Variants in DPYSL2 observed in about 807,000 individuals in gnomAD.
DPYSL2 encodes dihydropyrimidinase like 2.
Under a neutral mutation model 69.9 loss-of-function variants are expected in DPYSL2, and 13 were observed. That is an observed-to-expected ratio of 0.19 (90% CI 0.12 to 0.30). The LOEUF (loss-of-function observed/expected upper bound fraction) is 0.30. Ranked by LOEUF, DPYSL2 falls within the 10% of genes least tolerant of loss-of-function variation. The pLI, the probability that DPYSL2 is intolerant of heterozygous loss-of-function variation, is 1.00. For synonymous variants in DPYSL2, 326 were observed against 359.1 expected (o/e 0.91, Z 1.04); for missense variants, 587 against 918.9 (o/e 0.64, Z 4.67).
chr8:26,624,214 A>G lies in DPYSL2; in HGVS notation c.700A>G (p.Ser234Gly). 6.2e-7 allele frequency: 1 copy of G among 1,614,222 alleles called. No individual in the cohort carries two copies. The highest frequency in any genetic ancestry group is 8.5e-7 in the Non-Finnish European group (1 of 1,180,056). Reference sequence around the variant, plus strand: ...TGACCAGTGGAGGGAATGGGCCGACAGCAAGTCCTGCTGTGACTACTCTCT... The same window carrying G: ...TGACCAGTGGAGGGAATGGGCCGACGGCAAGTCCTGCTGTGACTACTCTCT... ...AFDQWREWAD[S>G]KSCCDYSLHV... The change falls in exon 4 of 14, where the codon AGC becomes GGC. Residue 234 changes from serine to glycine, a missense_variant. Ser to Gly is a moderately conservative substitution (Grantham distance 56). This residue lies in a region of DPYSL2 where 452 missense variants were observed against 754.3 expected (regional missense o/e 0.60). Transcript: ENST00000521913. The surrounding 1 kb of genome is among the most constrained non-coding windows in gnomAD (Gnocchi z 4.7).
chr8:26,526,469 T>G (rs1339630075), intron 1 of DPYSL2, among the ~76,000 whole-genome samples: 1 of 152,242 alleles, frequency 6.6e-6, no homozygotes, highest in Admixed American at 6.5e-5. Flanking sequence ...ATTGATTCTT[T>G]TTAGACAGTT....
At chr8:26,581,870 A>G in intron 1 of DPYSL2, 99 bp from the exon 2 acceptor site, 1 of 940,318 alleles carries the variant, frequency 1.1e-6, no homozygotes. Flanking sequence ...TTTGAACATC[A>G]CTTTTGAACA....
intron 10 of DPYSL2, among the ~76,000 whole-genome samples, chr8:26,645,218 G>A (rs756193593): frequency 3.3e-5 from 5 of 152,028 alleles, no homozygotes; most frequent in Non-Finnish European, 5.9e-5. Context: ...TGGCAACATG[G>A]CAAAACCCTG....
intron 8 of DPYSL2, among the ~76,000 whole-genome samples, chr8:26,636,930 C>T (rs1273241463): frequency 3.9e-5 from 6 of 151,978 alleles, no homozygotes; most frequent in Admixed American, 1.3e-4. Flanking sequence ...TTAGTAGAGA[C>T]GGGGTTTCAC....
In DPYSL2 at chr8:26,605,560, T is replaced by C. The variant is rs1335093873; in HGVS notation, c.629-18583T>C. ...CTCAGCCTCCCTAAGTGATTATTAC[T>C]ATTTTTAGATGGTTTACTTTAGCCA... On this transcript the variant is annotated intron_variant, in intron 3 of 13. Coordinates refer to ENST00000521913, the MANE Select transcript of DPYSL2 (RefSeq NM_001197293.3). This position sits in a 1 kb window ranked among gnomAD's most constrained non-coding sequence, Gnocchi z 4.1. 6.6e-6 allele frequency among the ~76,000 whole-genome samples: 1 copy of C among 152,186 alleles called. No individual in the cohort carries two copies. The highest frequency in any genetic ancestry group is 1.5e-5 in the Non-Finnish European group (1 of 68,038).
rs895477472 is a variant in DPYSL2 at position 26,514,109 on chromosome 8, G to C, written c.-217G>C. The C allele has an allele frequency of 7.6e-6, 3 of 394,390 alleles. No homozygotes were observed. Among genetic ancestry groups the C allele is most frequent in the Admixed American group, 4.5e-5 (1 of 22,086 alleles). The allele number at this position is 394,390 out of a possible 1,614,324, so 24.4% of individuals were successfully genotyped here. A position where few individuals can be genotyped will look rare whatever the true frequency, so the allele number is the denominator to read the frequency against. ...TCCCCGAGCTCGCGCTGTAGCCGCGGGGGGCGTGGGCAGGGAGGGGAGAAG... is the reference window on the plus strand; with the variant it reads ...TCCCCGAGCTCGCGCTGTAGCCGCGCGGGGCGTGGGCAGGGAGGGGAGAAG... On this transcript the variant is annotated 5_prime_UTR_variant, in exon 1 of 14. Coordinates refer to ENST00000521913, the MANE Select transcript of DPYSL2 (RefSeq NM_001197293.3). The surrounding 1 kb of genome is among the most constrained non-coding windows in gnomAD (Gnocchi z 8.4).
Position 26,648,640 on chromosome 8 carries a change from T to TC in DPYSL2, c.1596+841dup, listed in dbSNP as rs895914555. ...GAAATGGGCCTCGGGCAGAAGAGTT[T>TC]CGTGTCAGGAACTCATTTGAATCTT... On this transcript the variant is annotated intron_variant, in intron 11 of 13. Coordinates refer to ENST00000521913, the MANE Select transcript of DPYSL2 (RefSeq NM_001197293.3). This position sits in a 1 kb window ranked among gnomAD's most constrained non-coding sequence, Gnocchi z 4.3. 1.8e-4 allele frequency among the ~76,000 whole-genome samples: 27 copies of TC among 152,340 alleles called. No individual in the cohort carries two copies. Among genetic ancestry groups the TC allele is most frequent in the African/African-American group, 6.5e-4 (27 of 41,582 alleles).
rs56003010 is a variant in DPYSL2 at position 26,648,108 on chromosome 8, A to G, written c.1596+308A>G. ...AGAAGTCAGGCACCGCTCCATTTTCATAGGTTGGCACAGCACTTCTCATGG... is the reference window on the plus strand; with the variant it reads ...AGAAGTCAGGCACCGCTCCATTTTCGTAGGTTGGCACAGCACTTCTCATGG... On this transcript the variant is annotated intron_variant, in intron 11 of 13. Coordinates refer to ENST00000521913, the MANE Select transcript of DPYSL2 (RefSeq NM_001197293.3). This position sits in a 1 kb window ranked among gnomAD's most constrained non-coding sequence, Gnocchi z 4.3. Among the ~76,000 whole-genome samples, 695 of 152,234 alleles carry G rather than the reference A, an allele frequency of 4.6e-3. 4 individuals are homozygous for G. Among genetic ancestry groups the G allele is most frequent in the Non-Finnish European group, 7.0e-3 (475 of 68,014 alleles).
rs1367920016 is a variant in DPYSL2 at position 26,614,646 on chromosome 8, AT to A, written c.629-9495del. Among the ~76,000 whole-genome samples the A allele has an allele frequency of 6.6e-6, 1 of 152,198 alleles. No homozygotes were observed. The highest frequency in any genetic ancestry group is 1.5e-5 in the Non-Finnish European group (1 of 68,038). ...ACTTCCCCCAGAGTTAGTCATAATC[AT>A]TCTAGCAGGGCTTCTAGATGCTGAA... On this transcript the variant is annotated intron_variant, in intron 3 of 13. Transcript: ENST00000521913. The surrounding 1 kb of genome is among the most constrained non-coding windows in gnomAD (Gnocchi z 4.9).
At position 26,617,616 on chromosome 8, in the gene DPYSL2, C is replaced by T. The variant is rs1304199448; in HGVS notation, c.629-6527C>T. Among the ~76,000 whole-genome samples, 1 of 152,230 alleles carries T rather than the reference C, an allele frequency of 6.6e-6. No homozygotes were observed. Among genetic ancestry groups the T allele is most frequent in the Non-Finnish European group, 1.5e-5 (1 of 68,042 alleles). ...CAGCTTATTTACTTTGTGTCTCACA[C>T]TTTGCTAATATCCAAAATGCAGAAC... On this transcript the variant is annotated intron_variant, in intron 3 of 13. Coordinates refer to ENST00000521913, the MANE Select transcript of DPYSL2 (RefSeq NM_001197293.3). The surrounding 1 kb of genome is among the most constrained non-coding windows in gnomAD (Gnocchi z 4.7).
Position 26,621,041 on chromosome 8 carries a change from C to T in DPYSL2, c.629-3102C>T, listed in dbSNP as rs147192248. Among the ~76,000 whole-genome samples the T allele has an allele frequency of 1.8e-3, 268 of 152,134 alleles. No homozygotes were observed. The highest frequency in any genetic ancestry group is 6.1e-3 in the African/African-American group (253 of 41,522). ...TTTTATTTTACCATTATTTTTCTTC[C>T]GCTTTATCTTGCATTACTCTTTCTG... On this transcript the variant is annotated intron_variant, in intron 3 of 13. Transcript: ENST00000521913. This position sits in a 1 kb window ranked among gnomAD's most constrained non-coding sequence, Gnocchi z 4.9.
chr8:26,577,051 G>T (rs914757921), intron 1 of DPYSL2: 2 of 397,948 alleles, frequency 5.0e-6, no homozygotes, highest in Non-Finnish European at 1.0e-5. Context: ...AGTTCCTCGC[G>T]GCCGGAAGGC....
intron 1 of DPYSL2, chr8:26,578,619 G>A (rs1801414085): frequency 1.6e-6 from 2 of 1,215,314 alleles, no homozygotes; most frequent in Non-Finnish European, 2.1e-6. Flanking sequence ...ATGGATGCCA[G>A]ATTGAATATG....
rs772851136 is a variant in DPYSL2 at position 26,626,573 on chromosome 8, G to A, written c.794-44G>A. ...TTTCTTATCCCTTATTTGGTTATTT[G>A]GTTTATCTATTAAAAGTCCACTTCT... is the stretch of plus-strand genomic sequence containing the variant. On this transcript the variant is annotated intron_variant, in intron 4 of 13. Coordinates refer to ENST00000521913, the MANE Select transcript of DPYSL2 (RefSeq NM_001197293.3). This position sits in a 1 kb window ranked among gnomAD's most constrained non-coding sequence, Gnocchi z 4.3. 4 of 1,576,852 alleles carry A rather than the reference G, an allele frequency of 2.5e-6. No individual in the cohort carries two copies. The Admixed American group carries it at 6.7e-5, about 26-fold the overall frequency.
At chr8:26,543,766 C>A (rs569031131) in intron 1 of DPYSL2, among the ~76,000 whole-genome samples, 4 of 152,196 alleles carry the variant, frequency 2.6e-5, no homozygotes, top group Non-Finnish European at 5.9e-5. Context: ...GGATTACAGG[C>A]GTGAGCCACC....
intron 1 of DPYSL2, among the ~76,000 whole-genome samples, chr8:26,549,226 A>AATAATCATC (rs368363831): frequency 1.4e-5 from 2 of 145,480 alleles, no homozygotes; most frequent in African/African-American, 4.9e-5. Flanking sequence ...TAATAATAAT[A>AATAATCATC]ATCAAAAGGA....
chr8:26,573,133 C>T (rs1387321540), intron 1 of DPYSL2, among the ~76,000 whole-genome samples: 12 of 152,174 alleles, frequency 7.9e-5, no homozygotes. Flanking sequence ...CAGCTACAGC[C>T]CCGCAGAGAA....
At chr8:26,528,784 C>T (rs1003243191) in intron 1 of DPYSL2, among the ~76,000 whole-genome samples, 4 of 152,126 alleles carry the variant, frequency 2.6e-5, no homozygotes, top group African/African-American at 7.2e-5. Context: ...GCAGAGGGAG[C>T]AGGGAAATAG....
At position 26,626,546 on chromosome 8, in the gene DPYSL2, A is replaced by T; in HGVS notation, c.794-71A>T. The T allele has an allele frequency of 7.3e-7, 1 of 1,375,646 alleles. No homozygotes were observed. The highest frequency in any genetic ancestry group is 1.7e-5 in the Admixed American group (1 of 58,858). The allele number at this position is 1,375,646 out of a possible 1,614,324, so 85.2% of individuals were successfully genotyped here. ...ACGTACACACACAGACAGTATTATC[A>T]CTTTCTTATCCCTTATTTGGTTATT... On this transcript the variant is annotated intron_variant, in intron 4 of 13. Transcript: ENST00000521913. This position sits in a 1 kb window ranked among gnomAD's most constrained non-coding sequence, Gnocchi z 4.3.
Sources: gnomAD v4.1 joint callset for allele counts (sites outside exome capture counted in the v4.1 genomes callset) on GRCh38, gnomAD v4.1.1 for gene constraint, gnomAD v4.1.1 regional missense constraint, Gnocchi (gnomAD v3.1) non-coding constraint, MANE v1.5 for transcripts, NCBI Gene and HGNC (gene_info 2026-07-23, HGNC 2026-07-21) for gene names.